The following CACNA1D variants were observed in gnomAD, a reference collection of about 807,000 sequenced individuals.
CACNA1D encodes calcium voltage-gated channel subunit alpha1 D.
A neutral mutation model predicts 257.1 loss-of-function variants in CACNA1D; 55 were observed. The ratio of observed to expected loss-of-function variants is 0.21; its 90% CI spans 0.17 to 0.27. The LOEUF (loss-of-function observed/expected upper bound fraction) is 0.27, where lower values mean the gene tolerates loss of function less well. Ranked by LOEUF, CACNA1D falls within the 10% of genes least tolerant of loss-of-function variation. The pLI is 1.00. For synonymous variants in CACNA1D, 980 were observed against 1,014.9 expected (o/e 0.97, Z 0.65); for missense variants, 1,876 against 2,784.0 (o/e 0.67, Z 7.34).
chr3:53,719,641 G>A lies in CACNA1D; in HGVS notation c.1479-114G>A, dbSNP rs1043374851. On this transcript the variant is annotated intron_variant, in intron 10 of 47. Transcript: ENST00000350061. Reference sequence around the variant, plus strand: ...CTGCTGGCCTGCTGTGGTAACCAGGGGTGCTAAGTCCAGGCTGTATGCATG... The same window carrying A: ...CTGCTGGCCTGCTGTGGTAACCAGGAGTGCTAAGTCCAGGCTGTATGCATG... The A allele has an allele frequency of 9.7e-6, 9 of 930,446 alleles. No individual in the cohort carries two copies. The African/African-American group carries it at 1.1e-4, about 12-fold the overall frequency. 57.6% of individuals were successfully genotyped at this position (930,446 alleles called of 1,614,324 possible).
intron 8 of CACNA1D, among the ~76,000 whole-genome samples, chr3:53,691,795 T>A (rs1249671007): frequency 1.4e-5 from 1 of 70,230 alleles, no homozygotes; most frequent in Non-Finnish European, 2.9e-5. Flanking sequence ...AATATATATA[T>A]TACATATATA....
At chr3:53,567,198 A>C (rs2092859741) in intron 3 of CACNA1D, among the ~76,000 whole-genome samples, 1 of 152,222 alleles carries the variant, frequency 6.6e-6, no homozygotes, top group African/African-American at 2.4e-5. Flanking sequence ...CCAACTCAGC[A>C]CACACTCACT....
intron 4 of CACNA1D, among the ~76,000 whole-genome samples, chr3:53,659,085 CTGAT>C (rs2094177240): frequency 6.6e-6 from 1 of 152,206 alleles, no homozygotes; most frequent in Non-Finnish European, 1.5e-5. Flanking sequence ...TTCCCACAAT[CTGAT>C]TGGCCAGAGT....
intron 3 of CACNA1D, among the ~76,000 whole-genome samples, chr3:53,601,018 G>A (rs1329580139): frequency 6.6e-6 from 1 of 152,134 alleles, no homozygotes; most frequent in East Asian, 1.9e-4. Context: ...TACGTTGTAA[G>A]TTTGGTGTTA....
intron 7 of CACNA1D, among the ~76,000 whole-genome samples, chr3:53,670,012 A>T (rs538897063): frequency 6.6e-6 from 1 of 152,354 alleles, no homozygotes; most frequent in African/African-American, 2.4e-5. Context: ...TGCAGGAAAT[A>T]AAAAGTATTG....
intron 12 of CACNA1D, 64 bp downstream of exon 12, chr3:53,722,538 A>C: frequency 2.0e-6 from 3 of 1,500,804 alleles, no homozygotes; most frequent in Non-Finnish European, 1.9e-6. Context: ...TCCAACTGCC[A>C]TTTGGTCTTA....
intron 4 of CACNA1D, among the ~76,000 whole-genome samples, chr3:53,651,371 T>C (rs1036998318): frequency 9.3e-5 from 12 of 128,514 alleles, no homozygotes; most frequent in Non-Finnish European, 1.1e-4. Flanking sequence ...ATTTTCTTTT[T>C]TTTTTTTTTT....
At chr3:53,738,970 T>C (rs116722710) in intron 20 of CACNA1D, among the ~76,000 whole-genome samples, 1,737 of 152,064 alleles carry the variant, frequency 0.011, 33 homozygotes, top group African/African-American at 0.04. Context: ...GAAGACACCT[T>C]CCATAGCCTG....
At chr3:53,523,764 G>T (rs754814464) in intron 3 of CACNA1D, among the ~76,000 whole-genome samples, 25 of 152,182 alleles carry the variant, frequency 1.6e-4, no homozygotes, top group Admixed American at 6.5e-4. Flanking sequence ...AGATCACCAG[G>T]GTTCTCATTT....
intron 3 of CACNA1D, among the ~76,000 whole-genome samples, chr3:53,555,364 C>A (rs190048492): frequency 3.1e-4 from 47 of 151,558 alleles, no homozygotes; most frequent in Admixed American, 2.7e-3. Context: ...CCGTGGAGTT[C>A]AGTGTGAAAG....
intron 5 of CACNA1D, 29 bp downstream of exon 5, chr3:53,660,304 G>A (rs762022591): frequency 6.2e-7 from 1 of 1,612,126 alleles, no homozygotes; most frequent in East Asian, 2.2e-5. Context: ...CTAGAGTCAG[G>A]AGTGTGCTGG....
At chr3:53,775,057 G>T (rs2095389354) in intron 34 of CACNA1D, among the ~76,000 whole-genome samples, 1 of 152,186 alleles carries the variant, frequency 6.6e-6, no homozygotes, top group South Asian at 2.1e-4. Flanking sequence ...AGCCAGTGGG[G>T]AACATCCTAA....
At chr3:53,658,998 G>A (rs2094175968) in intron 4 of CACNA1D, among the ~76,000 whole-genome samples, 1 of 152,214 alleles carries the variant, frequency 6.6e-6, no homozygotes, top group South Asian at 2.1e-4. Flanking sequence ...CAATCCAGAG[G>A]CACGCCAGTG....
At chr3:53,530,844 C>T (rs891660047) in intron 3 of CACNA1D, among the ~76,000 whole-genome samples, 1 of 151,854 alleles carries the variant, frequency 6.6e-6, no homozygotes, top group Non-Finnish European at 1.5e-5. Flanking sequence ...CCGTGCACAT[C>T]CTCCTTTTCT....
At position 53,811,067 on chromosome 3, in the gene CACNA1D, A is replaced by G. The variant is rs1346099479; in HGVS notation, c.6193-46A>G. The stretch of plus-strand genomic sequence containing the variant: ...TTTTCTGTCGTCCCCCTGCCCTGCA[A>G]AGCCTTATAACACCCCCATGCCATC... On this transcript the variant is annotated intron_variant, in intron 47 of 47. Coordinates refer to ENST00000350061, the MANE Select transcript of CACNA1D (RefSeq NM_001128840.3). This position sits in a 1 kb window ranked among gnomAD's most constrained non-coding sequence, Gnocchi z 4.2. The G allele has an allele frequency of 6.6e-7, 1 of 1,520,298 alleles. No individual in the cohort carries two copies. Among genetic ancestry groups the G allele is most frequent in the African/African-American group, 1.4e-5 (1 of 72,942 alleles). 94.2% of individuals were successfully genotyped at this position (1,520,298 alleles called of 1,614,324 possible). A position where few individuals can be genotyped will look rare whatever the true frequency, so the allele number is the denominator to read the frequency against.
chr3:53,589,184 C>T (rs958312488), intron 3 of CACNA1D, among the ~76,000 whole-genome samples: 10 of 152,122 alleles, frequency 6.6e-5, no homozygotes, highest in South Asian at 2.1e-4. Flanking sequence ...AGACCCTATC[C>T]TCATTAGCAT....
chr3:53,811,247 G>A lies in CACNA1D; in HGVS notation c.6327G>A (p.Gly2109=). The A allele has an allele frequency of 1.2e-6, 2 of 1,614,034 alleles. No individual in the cohort carries two copies. The highest frequency in any genetic ancestry group is 1.7e-6 in the Non-Finnish European group (2 of 1,180,032). ...GTGCAGCCAGCACCCTGCTTAATGG[G>A]AACGTGCGTCCCCGAGCCAACGGGG... The part of the protein sequence containing the change: ...MESAASTLLN[G]NVRPRANGDV... Residue 2109 remains glycine, a synonymous_variant, in exon 48 of 48, where the codon GGG becomes GGA. Coordinates refer to ENST00000350061, the MANE Select transcript of CACNA1D (RefSeq NM_001128840.3). The surrounding 1 kb of genome is among the most constrained non-coding windows in gnomAD (Gnocchi z 4.2).
At chr3:53,577,190 C>T (rs1385862903) in intron 3 of CACNA1D, among the ~76,000 whole-genome samples, 2 of 152,098 alleles carry the variant, frequency 1.3e-5, no homozygotes, top group South Asian at 2.1e-4. Context: ...TCCTCATCTG[C>T]GAGGTGGGGG....
chr3:53,598,413 T>TAA (rs1376541209), intron 3 of CACNA1D, among the ~76,000 whole-genome samples: 2 of 134,966 alleles, frequency 1.5e-5, no homozygotes, highest in Non-Finnish European at 1.6e-5. Context: ...CCGTCTCTAC[T>TAA]AAAAAAAAAA....
Sources: allele counts gnomAD v4.1 joint callset (sites outside exome capture counted in the v4.1 genomes callset), GRCh38; gene constraint gnomAD v4.1.1; non-coding constraint Gnocchi (gnomAD v3.1); transcripts MANE v1.5; gene names NCBI Gene and HGNC (gene_info 2026-07-23, HGNC 2026-07-21).